The following ARK2C variants were observed in gnomAD, a reference collection of about 807,000 sequenced individuals.
ARK2C encodes the protein arkadia (RNF111) C-terminal like ring finger ubiquitin ligase 2C.
At chr18:46,335,882 G>C in the ARK2C span, 1 of 983,970 alleles carries the variant, frequency 1.0e-6, no homozygotes, top group African/African-American at 1.8e-5. Flanking sequence ...TTTCTTCATT[G>C]TGTAGCTCAG....
chr18:46,371,796 C>G, the ARK2C span, among the ~76,000 whole-genome samples: 8 of 152,328 alleles, frequency 5.3e-5, no homozygotes, highest in African/African-American at 1.9e-4. Flanking sequence ...CAAAGTCAAA[C>G]AGTGACAAAG....
the ARK2C span, among the ~76,000 whole-genome samples, chr18:46,437,142 T>A: frequency 6.6e-6 from 1 of 152,208 alleles, no homozygotes; most frequent in Non-Finnish European, 1.5e-5. Context: ...GGCTGGTCCC[T>A]GCCCTAGCAG....
chr18:46,459,444 C>T, the ARK2C span: 1 of 152,252 alleles, frequency 6.6e-6, no homozygotes, highest in Non-Finnish European at 1.5e-5. Context: ...GGCACACACT[C>T]TGTTTCAGAC....
chr18:46,402,781 A>G, the ARK2C span, among the ~76,000 whole-genome samples: 11 of 152,294 alleles, frequency 7.2e-5, no homozygotes, highest in East Asian at 1.9e-3. Context: ...GATTGCAGGC[A>G]TGAGCCACCA....
chr18:46,373,386 GGGACT>G, the ARK2C span, among the ~76,000 whole-genome samples: 1 of 152,350 alleles, frequency 6.6e-6, no homozygotes, highest in South Asian at 2.1e-4. Context: ...AGGTACAGGA[GGGACT>G]GGGCAAGAGT....
At chr18:46,456,267 G>A in the ARK2C span, among the ~76,000 whole-genome samples, 1 of 152,162 alleles carries the variant, frequency 6.6e-6, no homozygotes, top group African/African-American at 2.4e-5. Flanking sequence ...GTGATGCCCG[G>A]GTACGGACGC....
the ARK2C span, among the ~76,000 whole-genome samples, chr18:46,441,815 A>C: frequency 8.2e-6 from 1 of 121,630 alleles, no homozygotes; most frequent in Non-Finnish European, 1.6e-5. Flanking sequence ...GTGAACCGGG[A>C]GGCGGAGCTT....
chr18:46,352,892 C>T, the ARK2C span, among the ~76,000 whole-genome samples: 1 of 152,218 alleles, frequency 6.6e-6, no homozygotes, highest in Non-Finnish European at 1.5e-5. Context: ...TCAGTTGGTG[C>T]TTAGAACCCA....
chr18:46,427,977 T>G, the ARK2C span, among the ~76,000 whole-genome samples: 17 of 152,176 alleles, frequency 1.1e-4, no homozygotes, highest in Non-Finnish European at 2.2e-4. Flanking sequence ...GCACAAACTC[T>G]CCAGTGGGAA....
chr18:46,429,542 A>G, the ARK2C span, among the ~76,000 whole-genome samples: 10 of 152,212 alleles, frequency 6.6e-5, no homozygotes, highest in Admixed American at 1.3e-4. Flanking sequence ...GTTCTAATAT[A>G]GCTTATTATT....
At chr18:46,365,982 A>G in the ARK2C span, among the ~76,000 whole-genome samples, 1 of 152,194 alleles carries the variant, frequency 6.6e-6, no homozygotes, top group African/African-American at 2.4e-5. Context: ...GATCAGTGCA[A>G]AGTGGGGTCT....
chr18:46,384,427 G>C, the ARK2C span, among the ~76,000 whole-genome samples: 2 of 152,138 alleles, frequency 1.3e-5, no homozygotes, highest in African/African-American at 4.8e-5. Context: ...CCCCTAGCTG[G>C]GGCTTGGGAG....
At chr18:46,334,656 A>G in the ARK2C span, 1 of 431,302 alleles carries the variant, frequency 2.3e-6, no homozygotes, top group Non-Finnish European at 4.0e-6. The surrounding 1 kb of genome is among the most constrained non-coding windows in gnomAD (Gnocchi z 4.4). Flanking sequence ...GATCGAAAGG[A>G]GAAAGATACA....
At chr18:46,411,703 G>A in the ARK2C span, among the ~76,000 whole-genome samples, 1,084 of 152,300 alleles carry the variant, frequency 7.1e-3, 11 homozygotes, top group African/African-American at 0.025. Context: ...AAAGGGGTGA[G>A]GCCCTACTGA....
At chr18:46,357,503 A>G in the ARK2C span, among the ~76,000 whole-genome samples, 91 of 152,234 alleles carry the variant, frequency 6.0e-4, 1 homozygote, top group Admixed American at 9.2e-4. Context: ...GTGCTGGCAG[A>G]GGTGGAGGTG....
chr18:46,460,321 TGC>T, the ARK2C span: 1 of 152,146 alleles, frequency 6.6e-6, no homozygotes, highest in African/African-American at 2.4e-5. Flanking sequence ...TTTCATCTCC[TGC>T]GCGCGTAGAG....
At chr18:46,410,421 G>A in the ARK2C span, among the ~76,000 whole-genome samples, 2 of 152,230 alleles carry the variant, frequency 1.3e-5, no homozygotes, top group African/African-American at 4.8e-5. Flanking sequence ...GGAGGAGGAG[G>A]CAGCCAGCCA....
At chr18:46,370,238 C>T in the ARK2C span, among the ~76,000 whole-genome samples, 678 of 152,314 alleles carry the variant, frequency 4.5e-3, 2 homozygotes, top group Non-Finnish European at 5.6e-3. Flanking sequence ...GATATCCTTA[C>T]GATCATCTCT....
chr18:46,415,262 T>G, the ARK2C span, among the ~76,000 whole-genome samples: 3 of 152,220 alleles, frequency 2.0e-5, no homozygotes, highest in African/African-American at 7.2e-5. Flanking sequence ...GGTTCACACC[T>G]GTAATCCCAA....
Sources: gnomAD v4.1 joint callset for allele counts (sites outside exome capture counted in the v4.1 genomes callset) on GRCh38, gnomAD v4.1.1 for gene constraint, Gnocchi (gnomAD v3.1) non-coding constraint, MANE v1.5 for transcripts, NCBI Gene and HGNC (gene_info 2026-07-23, HGNC 2026-07-21) for gene names.